Variants in SERPIND1 observed in about 807,000 individuals in gnomAD.
The protein encoded by SERPIND1 is serpin family D member 1, also known as heparin cofactor 2.
Under a neutral mutation model 35.0 loss-of-function variants are expected in SERPIND1, and 34 were observed. That is an observed-to-expected ratio of 0.97 (90% confidence interval 0.74 to 1.29). The LOEUF (loss-of-function observed/expected upper bound fraction) is 1.29, where lower values mean the gene tolerates loss of function less well. Ranked by LOEUF, SERPIND1 falls within the 50% of genes most tolerant of loss-of-function variation. The probability of loss-of-function intolerance (pLI) is 0.00; values close to 1 mark genes in which losing one functional copy is unlikely to be tolerated. For missense variants in SERPIND1, 633 were observed against 637.7 expected, an observed-to-expected ratio of 0.99 and a Z score of 0.08; for synonymous variants, 236 against 241.1, an observed-to-expected ratio of 0.98 and a Z score of 0.19.
intron 2 of SERPIND1, among the ~76,000 whole-genome samples, chr22:20,783,500 C>A (rs1933962349): frequency 2.0e-5 from 3 of 150,988 alleles, no homozygotes; most frequent in African/African-American, 7.3e-5. Flanking sequence ...GTAGTCCAAG[C>A]TACTGGGGAG....
At chr22:20,783,383 G>T (rs1933945718) in intron 2 of SERPIND1, among the ~76,000 whole-genome samples, 1 of 151,464 alleles carries the variant, frequency 6.6e-6, no homozygotes, top group South Asian at 2.1e-4. Context: ...GATTGCTTGA[G>T]GCCAAGGGTT....
chr22:20,776,851 A>C (rs1933329748), intron 1 of SERPIND1, among the ~76,000 whole-genome samples: 1 of 152,160 alleles, frequency 6.6e-6, no homozygotes, highest in Non-Finnish European at 1.5e-5. Context: ...CCACACTGAC[A>C]GCATTTCAAG....
chr22:20,784,221 G>C lies in SERPIND1; in HGVS notation c.1139G>C (p.Arg380Thr). 1 of 1,614,156 alleles carries C rather than the reference G, an allele frequency of 6.2e-7. No individual in the cohort carries two copies. Among genetic ancestry groups the C allele is most frequent in the Non-Finnish European group, 8.5e-7 (1 of 1,180,018 alleles). The change falls in exon 3 of 5, where the codon AGA becomes ACA. Residue 380 changes from arginine (R) to threonine (T), a missense_variant. Transcript: ENST00000215727. ...EAQLTPRVVE[R>T]WQKSMTNRTR... ...CAACTGACACCCCGGGTGGTGGAGA[G>C]ATGGCAAAAAAGCATGACAAACAGG...
chr22:20,774,626 T>C lies in SERPIND1; in HGVS notation c.-17+481T>C, dbSNP rs1488068218. On this transcript the variant is annotated intron_variant, in intron 1 of 4. Transcript: ENST00000215727. ...AAATACAAAAATTAGCTGGGCGTGG[T>C]GGCACGCGCCTGTAATCCCAGCTAC... Among the ~76,000 whole-genome samples, 3 of 151,968 alleles carry C rather than the reference T, an allele frequency of 2.0e-5. 1 individual carries two copies. The highest frequency in any genetic ancestry group is 7.3e-5 in the African/African-American group (3 of 41,376).
intron 2 of SERPIND1, among the ~76,000 whole-genome samples, chr22:20,781,439 G>A (rs1046951882): frequency 2.6e-5 from 4 of 152,182 alleles, no homozygotes; most frequent in African/African-American, 7.2e-5. Flanking sequence ...GTTAGCTCCC[G>A]TGGTTTTATA....
At chr22:20,785,949 TC>T in intron 3 of SERPIND1, 54 bp from the exon 4 acceptor site, 1 of 1,612,566 alleles carries the variant, frequency 6.2e-7, no homozygotes, top group Non-Finnish European at 8.5e-7. Context: ...AAATCATGAT[TC>T]TTTTGTAACT....
chr22:20,782,895 G>C (rs1408959341), intron 2 of SERPIND1, among the ~76,000 whole-genome samples: 1 of 152,164 alleles, frequency 6.6e-6, no homozygotes, highest in Non-Finnish European at 1.5e-5. Context: ...AGGCAGGCAG[G>C]AGCTGTCTGG....
Position 20,785,977 on chromosome 22 carries a change from T to C in SERPIND1, c.1164-27T>C, listed in dbSNP as rs778669218. ...TTTGTAACTTGTGGTTCAATAAAACTGGGCCCCCCTTTCCTTTTCTGTCTA... is the reference window on the plus strand; with the variant it reads ...TTTGTAACTTGTGGTTCAATAAAACCGGGCCCCCCTTTCCTTTTCTGTCTA... On this transcript the variant is annotated intron_variant, in intron 3 of 4. Transcript: ENST00000215727. The C allele has an allele frequency of 3.1e-6, 5 of 1,614,170 alleles. No homozygotes were observed. In the South Asian group the frequency reaches 4.4e-5, roughly 14 times the overall value.
At chr22:20,786,711 T>C (rs1386408266) in intron 4 of SERPIND1, among the ~76,000 whole-genome samples, 164 bp from the exon 5 acceptor site, 2 of 152,146 alleles carry the variant, frequency 1.3e-5, no homozygotes, top group Admixed American at 1.3e-4. Context: ...CGGCTGCCCC[T>C]GACAGGTGGT....
Position 20,779,869 on chromosome 22 carries a change from T to C in SERPIND1, c.557T>C (p.Phe186Ser), listed in dbSNP as rs1414484672. The C allele has an allele frequency of 6.2e-7, 1 of 1,614,226 alleles. No homozygotes were observed. Among genetic ancestry groups the C allele is most frequent in the Non-Finnish European group, 8.5e-7 (1 of 1,180,038 alleles). The change falls in exon 2 of 5, where the codon TTT (phenylalanine) becomes TCT (serine). Residue 186 changes from phenylalanine (F) to serine (S), a missense_variant. Phe to Ser is a radical substitution (Grantham distance 155). Coordinates refer to ENST00000215727, the MANE Select transcript of SERPIND1 (RefSeq NM_000185.4). ...QVHSILHFKDFVNASSKYEIT... is the reference protein window; with the variant it reads ...QVHSILHFKDSVNASSKYEIT... ...CACTCGATTTTGCATTTTAAAGACT[T>C]TGTTAATGCCAGCAGCAAGTATGAA...
chr22:20,785,869 C>A, intron 3 of SERPIND1, 135 bp from the exon 4 acceptor site: 1 of 1,279,492 alleles, frequency 7.8e-7, no homozygotes, highest in Non-Finnish European at 1.1e-6. Flanking sequence ...ACTGACAGTC[C>A]CGGAATATAA....
chr22:20,786,929 G>A lies in SERPIND1; in HGVS notation c.1363G>A (p.Val455Met), dbSNP rs1183510279. Reference sequence around the variant, plus strand: ...CGAGGAAGGCACCCAAGCCACCACTGTGACCACGGTGGGGTTCATGCCGCT... The same window carrying A: ...CGAGGAAGGCACCCAAGCCACCACTATGACCACGGTGGGGTTCATGCCGCT... ...VNEEGTQATTVTTVGFMPLST... is the reference protein window; with the variant it reads ...VNEEGTQATTMTTVGFMPLST... Residue 455 changes from valine to methionine, a missense_variant, in exon 5 of 5, where the codon GTG becomes ATG. Coordinates refer to ENST00000215727, the MANE Select transcript of SERPIND1 (RefSeq NM_000185.4). The A allele has an allele frequency of 6.2e-7, 1 of 1,614,174 alleles. No individual in the cohort carries two copies. Among genetic ancestry groups the A allele is most frequent in the Non-Finnish European group, 8.5e-7 (1 of 1,180,030 alleles).
intron 1 of SERPIND1, among the ~76,000 whole-genome samples, chr22:20,774,668 G>A (rs554124058): frequency 1.3e-5 from 2 of 151,866 alleles, no homozygotes; most frequent in Non-Finnish European, 2.9e-5. Context: ...GGCTGAGGCA[G>A]GAGAATCGCT....
chr22:20,779,972 A>C lies in SERPIND1; in HGVS notation c.660A>C (p.Ser220=). The stretch of plus-strand genomic sequence containing the variant: ...GGAATTTTGGGTACACACTGCGGTC[A>C]GTCAATGACCTTTATATCCAGAAGC... ...FRRNFGYTLR[S]VNDLYIQKQF... is the part of the protein sequence containing the mutation. The change falls in exon 2 of 5, where the codon TCA becomes TCC. Residue 220 remains serine, a synonymous_variant. Coordinates refer to ENST00000215727, the MANE Select transcript of SERPIND1 (RefSeq NM_000185.4). The C allele has an allele frequency of 6.2e-7, 1 of 1,614,204 alleles. No individual in the cohort carries two copies. Among genetic ancestry groups the C allele is most frequent in the African/African-American group, 1.3e-5 (1 of 75,068 alleles).
At chr22:20,774,915 G>A (rs540143682) in intron 1 of SERPIND1, among the ~76,000 whole-genome samples, 3 of 152,218 alleles carry the variant, frequency 2.0e-5, no homozygotes, top group South Asian at 4.2e-4. Flanking sequence ...CAGGGCAAAG[G>A]TTCCAAAATT....
At chr22:20,777,404 G>C (rs866668997) in intron 1 of SERPIND1, among the ~76,000 whole-genome samples, 1 of 152,040 alleles carries the variant, frequency 6.6e-6, no homozygotes, top group African/African-American at 2.4e-5. Flanking sequence ...TTTTTGTAGA[G>C]ACAGGGTTTC....
rs900371210 is a variant in SERPIND1, at chr22:20,786,047, T to A, written c.1207T>A (p.Tyr403Asn). The A allele has an allele frequency of 6.2e-7, 1 of 1,614,144 alleles. No homozygotes were observed. Among genetic ancestry groups the A allele is most frequent in the East Asian group, 2.2e-5 (1 of 44,890 alleles). Residue 403 changes from tyrosine to asparagine, a missense_variant, in exon 4 of 5, where the codon TAC (tyrosine) becomes AAC (asparagine). Tyr to Asn is a moderately radical substitution (Grantham distance 143). Coordinates refer to ENST00000215727, the MANE Select transcript of SERPIND1 (RefSeq NM_000185.4). ...LLPKFKLEKN[Y>N]NLVESLKLMG... ...GCCGAAATTCAAGCTGGAGAAGAAC[T>A]ACAATCTAGTGGAGTCCCTGAAGTT...
At position 20,779,512 on chromosome 22, in the gene SERPIND1, A is replaced by G. The variant is rs1459584494; in HGVS notation, c.200A>G (p.Asn67Ser). 6.2e-7 allele frequency: 1 copy of G among 1,613,898 alleles called. No homozygotes were observed. The highest frequency in any genetic ancestry group is 1.3e-5 in the African/African-American group (1 of 74,934). The change falls in exon 2 of 5, where the codon AAC (asparagine) becomes AGC (serine). Residue 67 changes from asparagine (N) to serine (S), a missense_variant. Coordinates refer to ENST00000215727, the MANE Select transcript of SERPIND1 (RefSeq NM_000185.4). ...ADFHKENTVT[N>S]DWIPEGEEDD... ...TTCCACAAGGAAAACACCGTCACCAACGACTGGATTCCAGAGGGGGAGGAG... is the reference window on the plus strand; with the variant it reads ...TTCCACAAGGAAAACACCGTCACCAGCGACTGGATTCCAGAGGGGGAGGAG...
intron 1 of SERPIND1, among the ~76,000 whole-genome samples, chr22:20,774,918 C>T (rs180875227): frequency 1.3e-5 from 2 of 152,084 alleles, no homozygotes; most frequent in African/African-American, 4.8e-5. Flanking sequence ...GGCAAAGGTT[C>T]CAAAATTTTA....
Sources: allele counts gnomAD v4.1 joint callset (sites outside exome capture counted in the v4.1 genomes callset), GRCh38; gene constraint gnomAD v4.1.1; transcripts MANE v1.5; gene names NCBI Gene and HGNC (gene_info 2026-07-23, HGNC 2026-07-21).